Variants in DNAI3 observed in about 807,000 individuals in gnomAD.
DNAI3 encodes dynein axonemal intermediate chain 3.
Under a neutral mutation model 115.5 loss-of-function variants are expected in DNAI3, and 83 were observed. That is an observed-to-expected ratio of 0.72 (90% confidence interval 0.60 to 0.86). The LOEUF is 0.86. Ranked by LOEUF, DNAI3 falls within the 40% of genes least tolerant of loss-of-function variation. The pLI is 0.00. For missense variants in DNAI3, 1,004 were observed against 1,075.8 expected, an observed-to-expected ratio of 0.93 and a Z score of 0.93; for synonymous variants, 320 against 347.0, an observed-to-expected ratio of 0.92 and a Z score of 0.86.
intron 1 of DNAI3, among the ~76,000 whole-genome samples, chr1:85,062,784 T>G (rs899651849): frequency 4.9e-5 from 7 of 143,100 alleles, no homozygotes; most frequent in Non-Finnish European, 7.6e-5. Context: ...AGGAACTCAA[T>G]AAACCATGAA....
At chr1:85,067,982 ATT>A (rs1336452547) in intron 1 of DNAI3, among the ~76,000 whole-genome samples, 1 of 152,222 alleles carries the variant, frequency 6.6e-6, no homozygotes, top group Non-Finnish European at 1.5e-5. Flanking sequence ...ATTTGTGGTA[ATT>A]TGTTACAGCA....
At chr1:85,128,833 G>A in intron 21 of DNAI3, 34 bp downstream of exon 21, 1 of 1,567,028 alleles carries the variant, frequency 6.4e-7, no homozygotes, top group African/African-American at 1.4e-5. Context: ...GAGAATTAAT[G>A]TGACCAGATA....
intron 22 of DNAI3, among the ~76,000 whole-genome samples, chr1:85,130,639 TATAATG>T (rs1231386346): frequency 6.6e-6 from 1 of 151,874 alleles, no homozygotes; most frequent in Non-Finnish European, 1.5e-5. Context: ...CTATTATAAT[TATAATG>T]ATAGATGATA....
intron 1 of DNAI3, among the ~76,000 whole-genome samples, chr1:85,068,676 C>A (rs569323565): frequency 6.6e-6 from 1 of 152,306 alleles, no homozygotes; most frequent in East Asian, 1.9e-4. Context: ...TCCTAATACA[C>A]GACCTAGCCC....
intron 18 of DNAI3, among the ~76,000 whole-genome samples, chr1:85,122,860 C>G (rs999659370): frequency 6.6e-6 from 1 of 152,134 alleles, no homozygotes; most frequent in Non-Finnish European, 1.5e-5. Context: ...TTGTGGGCAA[C>G]AAGAAATTAG....
At chr1:85,099,282 A>G in intron 13 of DNAI3, 1 of 985,200 alleles carries the variant, frequency 1.0e-6, no homozygotes, top group Non-Finnish European at 1.2e-6. Flanking sequence ...AATAATTAAC[A>G]GGTGAAATAT....
At chr1:85,078,888 A>G (rs902640229) in intron 3 of DNAI3, among the ~76,000 whole-genome samples, 2 of 152,220 alleles carry the variant, frequency 1.3e-5, no homozygotes, top group Admixed American at 6.5e-5. Context: ...GAAAAAGTCC[A>G]ATTAGTGTGA....
At chr1:85,091,935 G>A (rs947075909) in intron 8 of DNAI3, among the ~76,000 whole-genome samples, 3 of 152,186 alleles carry the variant, frequency 2.0e-5, no homozygotes, top group Non-Finnish European at 2.9e-5. Context: ...CGGAAGCCAC[G>A]TCTTTAACTT....
rs1175104848 is a variant in DNAI3 at position 85,130,896 on chromosome 1, G to A, written c.2532+784G>A. ...TCCCTTTCTCAGCTTCTCCCTGTTT[G>A]ATACGAATTCTGTGACTCTGCTGGT... On this transcript the variant is annotated intron_variant, in intron 22 of 22. Transcript: ENST00000294664. 2.0e-5 allele frequency among the ~76,000 whole-genome samples: 3 copies of A among 152,116 alleles called. No homozygotes were observed. In the East Asian group the frequency reaches 5.8e-4, roughly 29 times the overall value.
intron 14 of DNAI3, among the ~76,000 whole-genome samples, chr1:85,107,679 G>T (rs975714801): frequency 6.6e-6 from 1 of 152,140 alleles, no homozygotes; most frequent in Admixed American, 6.5e-5. Flanking sequence ...TGATTGTGGT[G>T]ATGGCTTCCC....
intron 2 of DNAI3, among the ~76,000 whole-genome samples, chr1:85,072,760 C>T (rs1169654454): frequency 6.6e-6 from 1 of 151,580 alleles, no homozygotes; most frequent in Non-Finnish European, 1.5e-5. Context: ...TGGAGACCAT[C>T]CTGGTTGACA....
intron 16 of DNAI3, among the ~76,000 whole-genome samples, chr1:85,113,985 A>G (rs1342923937): frequency 6.8e-6 from 1 of 147,176 alleles, no homozygotes; most frequent in Non-Finnish European, 1.5e-5. Context: ...CCAATTGTTC[A>G]CTGCCAGTGT....
intron 1 of DNAI3, among the ~76,000 whole-genome samples, chr1:85,066,588 A>G (rs1367120141): frequency 1.3e-5 from 2 of 152,020 alleles, no homozygotes; most frequent in Non-Finnish European, 2.9e-5. Flanking sequence ...TCGGCCTCCC[A>G]AAGTTTTGGG....
intron 17 of DNAI3, 151 bp from the exon 18 acceptor site, chr1:85,121,600 T>C: frequency 1.5e-6 from 1 of 658,446 alleles, no homozygotes; most frequent in Non-Finnish European, 2.6e-6. Context: ...TTTTGAGGCT[T>C]TCCCTCTCCC....
At chr1:85,124,515 G>T (rs1451552891) in intron 19 of DNAI3, among the ~76,000 whole-genome samples, 1 of 152,060 alleles carries the variant, frequency 6.6e-6, no homozygotes, top group Non-Finnish European at 1.5e-5. Flanking sequence ...ATCTACTGTG[G>T]GCAGTTGACT....
At chr1:85,124,025 G>A in intron 18 of DNAI3, 96 bp from the exon 19 acceptor site, 2 of 1,529,754 alleles carry the variant, frequency 1.3e-6, no homozygotes, top group Non-Finnish European at 1.8e-6. Context: ...CCCCATTCAT[G>A]GGGCCCTGTC....
chr1:85,068,783 A>G (rs902531861), intron 1 of DNAI3, among the ~76,000 whole-genome samples: 1 of 152,178 alleles, frequency 6.6e-6, no homozygotes, highest in Admixed American at 6.5e-5. Flanking sequence ...CCTTCTGCCA[A>G]TCAGGCAGAG....
At chr1:85,083,194 T>TA (rs1654683364) in intron 5 of DNAI3, among the ~76,000 whole-genome samples, 1 of 151,980 alleles carries the variant, frequency 6.6e-6, no homozygotes, top group South Asian at 2.1e-4. Flanking sequence ...ACCATATAAT[T>TA]AAAAAAATAT....
intron 13 of DNAI3, among the ~76,000 whole-genome samples, chr1:85,099,724 C>G (rs1172540603): frequency 6.6e-5 from 10 of 152,192 alleles, no homozygotes; most frequent in Admixed American, 5.9e-4. Context: ...TCAAACTATA[C>G]TACAAGGCTA....
Sources: allele counts gnomAD v4.1 joint callset (sites outside exome capture counted in the v4.1 genomes callset), GRCh38; gene constraint gnomAD v4.1.1; transcripts MANE v1.5; gene names NCBI Gene and HGNC (gene_info 2026-07-23, HGNC 2026-07-21).